VPS37C: variants seen among roughly 807,000 people sequenced by gnomAD.
VPS37C encodes the protein VPS37C subunit of ESCRT-I, also known as vacuolar protein sorting-associated protein 37C.
A neutral mutation model predicts 16.1 loss-of-function variants in VPS37C; 9 were observed. That is an observed-to-expected ratio of 0.56 (90% confidence interval 0.34 to 0.97). The LOEUF is 0.97. Ranked by LOEUF, VPS37C falls within the 50% of genes least tolerant of loss-of-function variation. The pLI is 0.02. For missense variants in VPS37C, 479 were observed against 472.7 expected, an observed-to-expected ratio of 1.01 and a Z score of -0.12; for synonymous variants, 207 against 206.4, an observed-to-expected ratio of 1.00 and a Z score of -0.02.
intron 2 of VPS37C, among the ~76,000 whole-genome samples, chr11:61,137,927 T>C (rs1861408474): frequency 1.3e-5 from 2 of 152,118 alleles, no homozygotes; most frequent in South Asian, 4.1e-4. Context: ...ACGGAGACAC[T>C]GGATGGGGGA....
intron 1 of VPS37C, among the ~76,000 whole-genome samples, chr11:61,160,787 A>G (rs1407332149): frequency 6.6e-6 from 1 of 152,242 alleles, no homozygotes; most frequent in Non-Finnish European, 1.5e-5. Context: ...GTATGTATAC[A>G]TCAGTGCCCT....
chr11:61,146,873 T>C (rs1853214021), intron 1 of VPS37C, among the ~76,000 whole-genome samples: 1 of 152,176 alleles, frequency 6.6e-6, no homozygotes, highest in Non-Finnish European at 1.5e-5. Context: ...CCAACCCCAG[T>C]GGCCTACAAA....
In VPS37C at chr11:61,131,499, C is replaced by A. The variant is rs568547399; in HGVS notation, c.*321G>T. 1 of 283,224 alleles carries A rather than the reference C, an allele frequency of 3.5e-6. No homozygotes were observed. The highest frequency in any genetic ancestry group is 6.5e-6 in the Non-Finnish European group (1 of 153,642). 17.5% of individuals were successfully genotyped at this position (283,224 alleles called of 1,614,324 possible). ...GGGTTCAAATGGCCCTGAGTGCAGCCGCAAGTAGATGCTCATAAATGCGCA... is the reference window on the plus strand; with the variant it reads ...GGGTTCAAATGGCCCTGAGTGCAGCAGCAAGTAGATGCTCATAAATGCGCA... On this transcript the variant is annotated 3_prime_UTR_variant, in exon 5 of 5. Transcript: ENST00000301765.
At position 61,131,628 on chromosome 11, in the gene VPS37C, G is replaced by A; in HGVS notation, c.*192C>T. On this transcript the variant is annotated 3_prime_UTR_variant, in exon 5 of 5. Coordinates refer to ENST00000301765, the MANE Select transcript of VPS37C (RefSeq NM_017966.5). ...AGGAGGGGCTTCCAGGAGGACCTCT[G>A]GCCAGAAGGCCAGCAAGTGCCATGA... 1.3e-6 allele frequency: 1 copy of A among 796,754 alleles called. No individual in the cohort carries two copies. Among genetic ancestry groups the A allele is most frequent in the Non-Finnish European group, 1.7e-6 (1 of 591,178 alleles). 49.4% of individuals were successfully genotyped at this position (796,754 alleles called of 1,614,324 possible). A position where few individuals can be genotyped will look rare whatever the true frequency, so the allele number is the denominator to read the frequency against.
chr11:61,138,529 G>T, intron 2 of VPS37C: 1 of 557,548 alleles, frequency 1.8e-6, no homozygotes, highest in Non-Finnish European at 3.2e-6. Flanking sequence ...AAGGCACCAG[G>T]AGGCAGTGGA....
chr11:61,142,975 TAAAAAAAA>T, intron 1 of VPS37C, among the ~76,000 whole-genome samples: 13 of 47,590 alleles, frequency 2.7e-4, no homozygotes, highest in Admixed American at 2.1e-3. Flanking sequence ...AAAGAATAGC[TAAAAAAAA>T]AAAAAAAAAA....
intron 1 of VPS37C, among the ~76,000 whole-genome samples, chr11:61,139,743 T>TC (rs1861440987): frequency 1.2e-5 from 1 of 84,544 alleles, no homozygotes; most frequent in Non-Finnish European, 2.2e-5. Flanking sequence ...TTCCATAGCT[T>TC]TTTTTTTTTT....
At chr11:61,155,456 G>A (rs111785324) in intron 1 of VPS37C, among the ~76,000 whole-genome samples, 6,211 of 151,976 alleles carry the variant, frequency 0.041, 273 homozygotes, top group African/African-American at 0.11. Flanking sequence ...CTATGATCAC[G>A]CCACTGCACT....
At chr11:61,153,663 C>A (rs1047428323) in intron 1 of VPS37C, among the ~76,000 whole-genome samples, 2 of 152,178 alleles carry the variant, frequency 1.3e-5, no homozygotes, top group East Asian at 3.8e-4. Context: ...TGGGAAACAA[C>A]CAAGGTGAGT....
rs755365740 is a variant in VPS37C at position 61,132,550 on chromosome 11, T to G, written c.349-11A>C. 3 of 1,575,510 alleles carry G rather than the reference T, an allele frequency of 1.9e-6. No individual in the cohort carries two copies. In the African/African-American group the frequency reaches 4.1e-5, roughly 21 times the overall value. ...CTTCTCAGCCATGGCCTGGAAGACA[T>G]AAGGTCCAGTGACAACAGGGGCAGC... On this transcript the variant is annotated splice_polypyrimidine_tract_variant and intron_variant, in intron 4 of 4. Coordinates refer to ENST00000301765, the MANE Select transcript of VPS37C (RefSeq NM_017966.5).
chr11:61,142,236 G>A (rs1248096667), intron 1 of VPS37C, among the ~76,000 whole-genome samples: 2 of 152,202 alleles, frequency 1.3e-5, no homozygotes, highest in Non-Finnish European at 2.9e-5. Context: ...AAAAGTGGAA[G>A]AAAAATTTTT....
chr11:61,155,912 C>T (rs1021965890), intron 1 of VPS37C, among the ~76,000 whole-genome samples: 4 of 152,010 alleles, frequency 2.6e-5, no homozygotes, highest in African/African-American at 4.8e-5. Flanking sequence ...ATTTATGGCA[C>T]GTGTAGAAGT....
chr11:61,142,975 T>TAAAAA, intron 1 of VPS37C, among the ~76,000 whole-genome samples: 211 of 47,426 alleles, frequency 4.4e-3, no homozygotes, highest in South Asian at 5.8e-3. Flanking sequence ...AAAGAATAGC[T>TAAAAA]AAAAAAAAAA....
intron 1 of VPS37C, among the ~76,000 whole-genome samples, chr11:61,151,572 G>T (rs1313581188): frequency 6.6e-6 from 1 of 152,206 alleles, no homozygotes; most frequent in Non-Finnish European, 1.5e-5. Flanking sequence ...TGAGTTTCAT[G>T]CCTAGAAAGT....
Position 61,134,101 on chromosome 11 carries a change from A to AGG in VPS37C, c.198_199dup (p.Leu67ProfsTer36), listed in dbSNP as rs765498203. On this transcript the variant is annotated frameshift_variant, in exon 3 of 5. Coordinates refer to ENST00000301765, the MANE Select transcript of VPS37C (RefSeq NM_017966.5). LOFTEE classifies it high-confidence loss of function. Reference sequence around the variant, plus strand: ...CCGGAGCTCCTGGTATCTATCCGAGAGGTTTGAGCGGCTGATCTCCAGGGG... The same window carrying AGG: ...CCGGAGCTCCTGGTATCTATCCGAGAGGGGTTTGAGCGGCTGATCTCCAGGGG... 6 of 1,613,664 alleles carry AGG rather than the reference A, an allele frequency of 3.7e-6. No homozygotes were observed. The South Asian group carries it at 5.5e-5, about 15-fold the overall frequency.
chr11:61,153,011 C>A (rs948243306), intron 1 of VPS37C, among the ~76,000 whole-genome samples: 1 of 152,248 alleles, frequency 6.6e-6, no homozygotes, highest in Non-Finnish European at 1.5e-5. Context: ...CATGCTTCTC[C>A]AGCAAGAGTG....
chr11:61,147,061 AAG>A (rs1853217865), intron 1 of VPS37C, among the ~76,000 whole-genome samples: 1 of 151,596 alleles, frequency 6.6e-6, no homozygotes. Context: ...TTTCAACTCA[AAG>A]TTGTGAGAAA....
chr11:61,145,105 G>T (rs1853177733), intron 1 of VPS37C: 1 of 152,164 alleles, frequency 6.6e-6, no homozygotes, highest in African/African-American at 2.4e-5. Flanking sequence ...TAAATAAAGA[G>T]ATCAAAGCCC....
intron 4 of VPS37C, chr11:61,132,931 T>C: frequency 1.9e-6 from 1 of 522,790 alleles, no homozygotes; most frequent in Non-Finnish European, 3.5e-6. Context: ...GCTGAAGAGG[T>C]GGCCGGAGGG....
Sources: gnomAD v4.1 joint callset for allele counts (sites outside exome capture counted in the v4.1 genomes callset) on GRCh38, gnomAD v4.1.1 for gene constraint, MANE v1.5 for transcripts, NCBI Gene and HGNC (gene_info 2026-07-23, HGNC 2026-07-21) for gene names.